DOCK3: variants seen among roughly 807,000 people sequenced by gnomAD.
The protein encoded by DOCK3 is dedicator of cytokinesis protein 3.
DOCK3 carries 60 observed loss-of-function variants against 265.6 expected under a neutral mutation model. That is an observed-to-expected ratio of 0.23 (90% CI 0.18 to 0.28). DOCK3 has a LOEUF of 0.28. DOCK3 is among the 10% of genes least tolerant of loss of function. The probability of loss-of-function intolerance (pLI) is 1.00; values close to 1 mark genes in which losing one functional copy is unlikely to be tolerated. For synonymous variants in DOCK3, 881 were observed against 938.0 expected (o/e 0.94, Z 1.11); for missense variants, 1,981 against 2,594.3 (o/e 0.76, Z 5.14).
intron 5 of DOCK3, among the ~76,000 whole-genome samples, chr3:51,044,485 G>A (rs1046786396): frequency 6.6e-6 from 1 of 151,666 alleles, no homozygotes; most frequent in Non-Finnish European, 1.5e-5. Flanking sequence ...TGGGTACTAG[G>A]CTTAATACTT....
intron 32 of DOCK3, among the ~76,000 whole-genome samples, chr3:51,328,424 G>T (rs181719996): frequency 4.6e-5 from 7 of 152,238 alleles, no homozygotes; most frequent in African/African-American, 7.2e-5. Context: ...GCTTCTAGAT[G>T]CAGCTCTACC....
At chr3:50,682,225 G>A (rs961200769) in intron 1 of DOCK3, among the ~76,000 whole-genome samples, 3 of 152,202 alleles carry the variant, frequency 2.0e-5, no homozygotes, top group African/African-American at 7.2e-5. Flanking sequence ...AAATTTGCAT[G>A]TTCAGCCTCA....
chr3:51,341,992 G>A (rs566061891), intron 38 of DOCK3, among the ~76,000 whole-genome samples: 5 of 152,292 alleles, frequency 3.3e-5, no homozygotes, highest in East Asian at 3.9e-4. Context: ...TCTGTGTGGC[G>A]CCCTCTGACT....
intron 2 of DOCK3, among the ~76,000 whole-genome samples, chr3:50,793,358 CT>C (rs568370017): frequency 0.081 from 10,538 of 130,598 alleles, 302 homozygotes; most frequent in Non-Finnish European, 0.1. Context: ...TTTTCTTTTT[CT>C]TTTTTTTTTT....
At chr3:51,248,470 C>T (rs2078947495) in intron 22 of DOCK3, among the ~76,000 whole-genome samples, 1 of 152,232 alleles carries the variant, frequency 6.6e-6, no homozygotes, top group Admixed American at 6.5e-5. Context: ...GCTGGGATTG[C>T]AGACGGAGTG....
intron 1 of DOCK3, among the ~76,000 whole-genome samples, chr3:50,691,142 G>C (rs528560132): frequency 2.6e-5 from 4 of 151,902 alleles, no homozygotes; most frequent in African/African-American, 9.7e-5. Flanking sequence ...AAATTAGCCA[G>C]GTGTGGTGGC....
intron 7 of DOCK3, 147 bp from the exon 8 acceptor site, chr3:51,089,096 C>A: frequency 2.3e-6 from 2 of 872,302 alleles, no homozygotes; most frequent in South Asian, 1.9e-5. Context: ...CCACCAAATA[C>A]GAATAACACT....
intron 12 of DOCK3, among the ~76,000 whole-genome samples, chr3:51,162,732 C>T (rs542398800): frequency 2.5e-4 from 38 of 152,238 alleles, no homozygotes; most frequent in African/African-American, 8.2e-4. Context: ...TGCTGTCAGG[C>T]TTAATTGGCC....
rs1389897903 is a variant in DOCK3, at chr3:51,015,799, CATATATTTCTATATATGAT to C, written c.316-48642_316-48624del. Among the ~76,000 whole-genome samples the C allele has an allele frequency of 1.4e-3, 20 of 13,968 alleles. 7 individuals are homozygous for C. The highest frequency in any genetic ancestry group is 0.011 in the African/African-American group (20 of 1,756). The allele number at this position is 13,968 out of a possible 152,430, so 9.2% of individuals were successfully genotyped here. On this transcript the variant is annotated intron_variant, in intron 5 of 52. Transcript: ENST00000266037. ...ATATTTCTATATATGATATATATAT[CATATATTTCTATATATGAT>C]ATATATATCATATATTTCTATATAT...
At chr3:50,854,592 G>GTTTCTTTTTTTTTTTTTTTT (rs2046496258) in intron 3 of DOCK3, among the ~76,000 whole-genome samples, 1 of 47,214 alleles carries the variant, frequency 2.1e-5, no homozygotes, top group African/African-American at 8.5e-5. Flanking sequence ...CATCACACCA[G>GTTTCTTTTTTTTTTTTTTTT]TTTTTTTTTT....
intron 7 of DOCK3, among the ~76,000 whole-genome samples, chr3:51,084,952 C>T (rs573536244): frequency 3.7e-4 from 57 of 152,122 alleles, no homozygotes; most frequent in African/African-American, 9.9e-4. Flanking sequence ...TTACCTATAA[C>T]GACACACATA....
chr3:51,052,463 G>A (rs1369394678), intron 5 of DOCK3, among the ~76,000 whole-genome samples: 2 of 152,156 alleles, frequency 1.3e-5, no homozygotes, highest in Admixed American at 1.3e-4. Flanking sequence ...TTGTGCCACT[G>A]TACTCCAACC....
intron 1 of DOCK3, among the ~76,000 whole-genome samples, chr3:50,739,239 C>A (rs1364129281): frequency 2.0e-5 from 3 of 152,122 alleles, no homozygotes; most frequent in Non-Finnish European, 4.4e-5. Flanking sequence ...CAGATACATA[C>A]CCAGGCATTG....
chr3:50,746,040 A>G (rs554413296), intron 1 of DOCK3, among the ~76,000 whole-genome samples: 44 of 151,450 alleles, frequency 2.9e-4, no homozygotes, highest in African/African-American at 1.0e-3. Flanking sequence ...CTTTCAGTCT[A>G]TGTCTTATGT....
intron 3 of DOCK3, among the ~76,000 whole-genome samples, chr3:50,866,763 T>C (rs1479316611): frequency 2.6e-5 from 4 of 151,120 alleles, no homozygotes; most frequent in Non-Finnish European, 5.9e-5. Context: ...TGTTTCTGGG[T>C]TCTCTATTGT....
At chr3:50,707,934 G>A (rs772148423) in intron 1 of DOCK3, among the ~76,000 whole-genome samples, 3 of 152,120 alleles carry the variant, frequency 2.0e-5, no homozygotes, top group Non-Finnish European at 4.4e-5. Context: ...TTGGCATGTT[G>A]ATCCCTAGGC....
chr3:50,967,366 G>A (rs756352567), intron 5 of DOCK3, among the ~76,000 whole-genome samples: 5 of 151,958 alleles, frequency 3.3e-5, no homozygotes, highest in African/African-American at 2.4e-5. Context: ...TGGCTGAATA[G>A]TATGCCATTG....
chr3:50,822,589 T>C (rs2044508116), intron 2 of DOCK3, among the ~76,000 whole-genome samples: 1 of 152,126 alleles, frequency 6.6e-6, no homozygotes, highest in Non-Finnish European at 1.5e-5. Context: ...CTCAAACTTC[T>C]GGGCTCAAAT....
chr3:50,918,643 G>A (rs1192669734), intron 4 of DOCK3, among the ~76,000 whole-genome samples: 1 of 152,112 alleles, frequency 6.6e-6, no homozygotes, highest in Non-Finnish European at 1.5e-5. Context: ...TAAGTTCTTT[G>A]TAGATTCTGG....
Sources: allele counts gnomAD v4.1 joint callset (sites outside exome capture counted in the v4.1 genomes callset), GRCh38; gene constraint gnomAD v4.1.1; transcripts MANE v1.5; gene names NCBI Gene and HGNC (gene_info 2026-07-23, HGNC 2026-07-21).